Variants in C6orf89 observed in about 807,000 individuals in gnomAD.
C6orf89 encodes bombesin receptor-activated protein C6orf89.
A neutral mutation model predicts 40.7 loss-of-function variants in C6orf89; 29 were observed. The observed-to-expected ratio is 0.71, with a 90% confidence interval of 0.53 to 0.97. The LOEUF is 0.97. C6orf89 is among the 50% of genes least tolerant of loss of function. C6orf89 has a pLI of 0.00. For synonymous variants in C6orf89, 165 were observed against 152.2 expected (o/e 1.08, Z -0.62); for missense variants, 392 against 429.1 (o/e 0.91, Z 0.76).
rs1229712627 is a variant in C6orf89 at position 36,928,598 on chromosome 6, CT to C, written c.*5159del. ...AGAAAAATGTTGGCTGCAGTCTTCC[CT>C]TCCTTCACCTCCACCCTGGGGAAGG... On this transcript the variant is annotated 3_prime_UTR_variant, in exon 9 of 9. Coordinates refer to ENST00000480824, the MANE Select transcript of C6orf89 (RefSeq NM_001286635.2). The C allele has an allele frequency of 1.3e-5, 2 of 152,310 alleles. No homozygotes were observed. Among genetic ancestry groups the C allele is most frequent in the East Asian group, 3.9e-4 (2 of 5,190 alleles). 9.4% of individuals were successfully genotyped at this position (152,310 alleles called of 1,614,324 possible).
In C6orf89 at chr6:36,906,039, TAA is replaced by T. The variant is rs375893163; in HGVS notation, c.403+3609_403+3610del. Among the ~76,000 whole-genome samples, 787 of 152,314 alleles carry T rather than the reference TAA, an allele frequency of 5.2e-3. 7 individuals are homozygous for T. Among genetic ancestry groups the T allele is most frequent in the African/African-American group, 0.016 (676 of 41,554 alleles). ...TACTTTGGTCATTTTCTGGCCAACT[TAA>T]AAATAACATATTCATTTCTACTGAG... On this transcript the variant is annotated intron_variant, in intron 4 of 8. Coordinates refer to ENST00000480824, the MANE Select transcript of C6orf89 (RefSeq NM_001286635.2).
chr6:36,896,937 G>C (rs936788223), intron 2 of C6orf89, among the ~76,000 whole-genome samples: 1 of 151,970 alleles, frequency 6.6e-6, no homozygotes, highest in African/African-American at 2.4e-5. Context: ...AGACCAGCCT[G>C]GCCAACATGG....
At chr6:36,910,102 ACT>A (rs973197220) in intron 4 of C6orf89, among the ~76,000 whole-genome samples, 2 of 151,440 alleles carry the variant, frequency 1.3e-5, no homozygotes, top group African/African-American at 2.4e-5. Context: ...ATATATGTGA[ACT>A]CTCTATGGTT....
At chr6:36,876,671 C>CAG (rs1561851789) in intron 1 of C6orf89, among the ~76,000 whole-genome samples, 1 of 145,408 alleles carries the variant, frequency 6.9e-6, no homozygotes, top group East Asian at 2.0e-4. Flanking sequence ...CTGCAGTGAG[C>CAG]AGAGATTTTG....
At chr6:36,883,995 C>T (rs1774894085), upstream of C6orf89, among the ~76,000 whole-genome samples, 1 of 152,234 alleles carries the variant, frequency 6.6e-6, no homozygotes, top group African/African-American at 2.4e-5. Context: ...GGCGTGATGG[C>T]TGACACCCGT....
intron 4 of C6orf89, among the ~76,000 whole-genome samples, chr6:36,906,547 C>T (rs1423202500): frequency 6.6e-6 from 1 of 152,006 alleles, no homozygotes; most frequent in Non-Finnish European, 1.5e-5. Flanking sequence ...CATTTAGAAA[C>T]AAATTTTTGT....
At chr6:36,912,595 A>G (rs928475360) in intron 4 of C6orf89, among the ~76,000 whole-genome samples, 7 of 152,242 alleles carry the variant, frequency 4.6e-5, no homozygotes, top group African/African-American at 1.7e-4. Context: ...AACAGGTGGT[A>G]CTAAAGGGTT....
At chr6:36,895,708 G>T (rs1047388010) in intron 2 of C6orf89, among the ~76,000 whole-genome samples, 1 of 152,136 alleles carries the variant, frequency 6.6e-6, no homozygotes, top group Admixed American at 6.5e-5. Context: ...CAGTGATTTT[G>T]CATTATATGG....
upstream of C6orf89, among the ~76,000 whole-genome samples, chr6:36,882,509 A>C (rs1774840871): frequency 6.6e-6 from 1 of 152,186 alleles, no homozygotes; most frequent in Non-Finnish European, 1.5e-5. Flanking sequence ...TTGAGTCCTT[A>C]AAGCTTTTGT....
chr6:36,916,212 C>G (rs1203397359), intron 6 of C6orf89, among the ~76,000 whole-genome samples: 1 of 152,190 alleles, frequency 6.6e-6, no homozygotes, highest in Non-Finnish European at 1.5e-5. Flanking sequence ...TTTAGAAACA[C>G]TCCACCCACA....
At chr6:36,898,503 G>A (rs1453933027) in intron 2 of C6orf89, among the ~76,000 whole-genome samples, 1 of 151,356 alleles carries the variant, frequency 6.6e-6, no homozygotes, top group Non-Finnish European at 1.5e-5. Context: ...GGTCTTAAAC[G>A]CCGGACCTCA....
At position 36,900,929 on chromosome 6, in the gene C6orf89, C is replaced by T. The variant is rs889013969; in HGVS notation, c.190-1292C>T. On this transcript the variant is annotated intron_variant, in intron 3 of 8. Coordinates refer to ENST00000480824, the MANE Select transcript of C6orf89 (RefSeq NM_001286635.2). The stretch of plus-strand genomic sequence containing the variant: ...TGGTGTGATCTTGGCTCAGTGCAAC[C>T]TCCGCCTCCCAGGTTCAAGCAATTC... Among the ~76,000 whole-genome samples the T allele has an allele frequency of 3.9e-4, 59 of 152,092 alleles. 1 individual carries two copies. The highest frequency in any genetic ancestry group is 2.3e-3 in the Admixed American group (35 of 15,282).
intron 4 of C6orf89, among the ~76,000 whole-genome samples, chr6:36,907,884 G>T (rs1256145727): frequency 2.0e-5 from 3 of 152,234 alleles, no homozygotes; most frequent in Non-Finnish European, 4.4e-5. Context: ...TCGGCTGGCT[G>T]TGTGCTGTTG....
At chr6:36,886,203 A>G (rs1774981077) in intron 1 of C6orf89, among the ~76,000 whole-genome samples, 175 bp downstream of exon 1, 1 of 152,154 alleles carries the variant, frequency 6.6e-6, no homozygotes, top group African/African-American at 2.4e-5. Flanking sequence ...ATCCCCTGGC[A>G]GCTCCCCCGG....
intron 2 of C6orf89, among the ~76,000 whole-genome samples, chr6:36,895,394 C>T (rs1761383840): frequency 6.6e-6 from 1 of 152,082 alleles, no homozygotes; most frequent in African/African-American, 2.4e-5. Flanking sequence ...GGCTGCTAAT[C>T]AAAAATGGCT....
intron 1 of C6orf89, among the ~76,000 whole-genome samples, chr6:36,888,542 G>A (rs149329658): frequency 1.3e-5 from 2 of 152,258 alleles, no homozygotes; most frequent in African/African-American, 2.4e-5. Context: ...GCTGAGGCAC[G>A]AGAATCTCTT....
At chr6:36,880,653 G>A (rs950111547) in intron 2 of C6orf89, among the ~76,000 whole-genome samples, 1 of 152,178 alleles carries the variant, frequency 6.6e-6, no homozygotes, top group Non-Finnish European at 1.5e-5. Context: ...ATGCTTCAAG[G>A]TCATAAACTG....
At chr6:36,886,469 G>A (rs1367197755) in intron 1 of C6orf89, among the ~76,000 whole-genome samples, 1 of 152,108 alleles carries the variant, frequency 6.6e-6, no homozygotes, top group East Asian at 1.9e-4. Context: ...TGTGTACTTG[G>A]TATGTGATAA....
intron 1 of C6orf89, among the ~76,000 whole-genome samples, chr6:36,887,165 A>G (rs1207941538): frequency 6.7e-6 from 1 of 150,280 alleles, no homozygotes; most frequent in Non-Finnish European, 1.5e-5. Context: ...CCCAGGCTGG[A>G]GTGCAGTGGC....
Sources: gnomAD v4.1 joint callset for allele counts (sites outside exome capture counted in the v4.1 genomes callset) on GRCh38, gnomAD v4.1.1 for gene constraint, MANE v1.5 for transcripts, NCBI Gene and HGNC (gene_info 2026-07-23, HGNC 2026-07-21) for gene names.